FOXP2: variants seen among roughly 807,000 people sequenced by gnomAD.
FOXP2 encodes the protein forkhead box protein P2.
FOXP2 carries 12 observed loss-of-function variants against 115.8 expected under a neutral mutation model. The observed-to-expected ratio is 0.10, with a 90% CI of 0.07 to 0.17. FOXP2 has a LOEUF of 0.17. Among genes scored for constraint, FOXP2 ranks in the 10% least tolerant of loss-of-function variants. The pLI is 1.00. For missense variants in FOXP2, 629 were observed against 843.5 expected (o/e 0.75, Z 3.15); for synonymous variants, 328 against 297.7 (o/e 1.10, Z -1.05).
rs114951299 is a variant in FOXP2, at chr7:114,102,169, A to G, written c.-247+14331A>G. Among the ~76,000 whole-genome samples the G allele has an allele frequency of 3.5e-3, 528 of 152,134 alleles. 5 individuals are homozygous for G. Among genetic ancestry groups the G allele is most frequent in the African/African-American group, 0.012 (507 of 41,536 alleles). On this transcript the variant is annotated intron_variant, in intron 1 of 19. Transcript: ENST00000635638. ...GTTTCTTGCCATGTATGTCACTTCT[A>G]AGGTTGAAGAATGCTTGTATAACTC...
intron 1 of FOXP2, among the ~76,000 whole-genome samples, chr7:114,201,158 A>AAAAT (rs1384314029): frequency 2.6e-5 from 4 of 152,106 alleles, no homozygotes; most frequent in Non-Finnish European, 5.9e-5. Context: ...CTCCATCTCA[A>AAAAT]AAATAAATAA....
At chr7:114,330,271 A>G (rs1460468958) in intron 2 of FOXP2, among the ~76,000 whole-genome samples, 2 of 152,040 alleles carry the variant, frequency 1.3e-5, no homozygotes, top group African/African-American at 4.8e-5. Context: ...TATCATTAAA[A>G]AGTTTAATTT....
At chr7:114,412,045 T>C (rs1307699258), upstream of FOXP2, among the ~76,000 whole-genome samples, 1 of 152,142 alleles carries the variant, frequency 6.6e-6, no homozygotes, top group Non-Finnish European at 1.5e-5. Flanking sequence ...AGTGTTATAG[T>C]TCAGTGGAAT....
chr7:114,321,212 T>TTTATTTAC (rs1206862843), intron 2 of FOXP2, among the ~76,000 whole-genome samples: 2 of 151,298 alleles, frequency 1.3e-5, no homozygotes, highest in African/African-American at 4.9e-5. Context: ...TATTTATTTA[T>TTTATTTAC]TTATGAGACA....
At chr7:114,632,561 T>A (rs1804978945) in intron 6 of FOXP2, among the ~76,000 whole-genome samples, 1 of 152,192 alleles carries the variant, frequency 6.6e-6, no homozygotes, top group Non-Finnish European at 1.5e-5. Flanking sequence ...ATTAATTATA[T>A]TTGTCACAGA....
intron 2 of FOXP2, among the ~76,000 whole-genome samples, chr7:114,374,472 A>G (rs1317027001): frequency 6.6e-6 from 1 of 152,204 alleles, no homozygotes; most frequent in Non-Finnish European, 1.5e-5. Flanking sequence ...TATGTTAACA[A>G]TGTGCAAAAT....
chr7:114,462,958 A>G lies in FOXP2; in HGVS notation c.168+36279A>G, dbSNP rs73208659. ...ATAGCAAATGATACAAGAATCAATCAATACATTAATTATAACTTGCAAATA... is the reference window on the plus strand; with the variant it reads ...ATAGCAAATGATACAAGAATCAATCGATACATTAATTATAACTTGCAAATA... On this transcript the variant is annotated intron_variant, in intron 2 of 16. Transcript: ENST00000350908. 8.9e-3 allele frequency: 2,779 copies of G among 312,822 alleles called. 25 individuals are homozygous for G. Among genetic ancestry groups the G allele is most frequent in the Non-Finnish European group, 0.014 (2,154 of 157,290 alleles). 19.4% of individuals were successfully genotyped at this position (312,822 alleles called of 1,614,324 possible).
In FOXP2 at chr7:114,462,458, G is replaced by T. The variant is rs1483011393; in HGVS notation, c.168+35779G>T. The stretch of plus-strand genomic sequence containing the variant: ...GCTATCTCGGCTCACTGCAACCTCC[G>T]CCTCCCGAGTTCAAGCGATTCTCCT... On this transcript the variant is annotated intron_variant, in intron 2 of 16. Transcript: ENST00000350908. Among the ~76,000 whole-genome samples the T allele has an allele frequency of 3.2e-5, 4 of 125,806 alleles. No homozygotes were observed. The East Asian group carries it at 1.1e-3, about 35-fold the overall frequency. The allele number at this position is 125,806 out of a possible 152,430, so 82.5% of individuals were successfully genotyped here.
At chr7:114,402,322 A>C (rs1335778363) in intron 2 of FOXP2, among the ~76,000 whole-genome samples, 4 of 152,148 alleles carry the variant, frequency 2.6e-5, no homozygotes, top group African/African-American at 9.7e-5. Context: ...TTAAAATGAA[A>C]GTAGAAGGAT....
At chr7:114,651,017 A>G (rs1806220507) in intron 8 of FOXP2, among the ~76,000 whole-genome samples, 2 of 152,018 alleles carry the variant, frequency 1.3e-5, no homozygotes, top group South Asian at 4.1e-4. Context: ...ATTACTCTTC[A>G]TATGTTTTAC....
chr7:114,513,841 G>A (rs1301781997), intron 2 of FOXP2, among the ~76,000 whole-genome samples: 1 of 151,890 alleles, frequency 6.6e-6, no homozygotes, highest in Non-Finnish European at 1.5e-5. Flanking sequence ...GTTAAATTAT[G>A]CTTTTTTATA....
chr7:114,424,744 C>T (rs1464290222), intron 1 of FOXP2, among the ~76,000 whole-genome samples: 2 of 151,358 alleles, frequency 1.3e-5, no homozygotes, highest in Non-Finnish European at 3.0e-5. Context: ...TGTTTATAAA[C>T]ACATTTCGCT....
intron 16 of FOXP2, among the ~76,000 whole-genome samples, chr7:114,671,937 A>C (rs1264906553): frequency 6.6e-6 from 1 of 152,228 alleles, no homozygotes; most frequent in Non-Finnish European, 1.5e-5. Flanking sequence ...TCACAGAAGT[A>C]ACATGTTATA....
At chr7:114,465,916 C>T (rs771327148) in intron 2 of FOXP2, among the ~76,000 whole-genome samples, 3 of 152,182 alleles carry the variant, frequency 2.0e-5, no homozygotes, top group Non-Finnish European at 4.4e-5. Context: ...ACTCCCTTCC[C>T]TCCCATCTGT....
chr7:114,663,654 C>T, intron 15 of FOXP2, 135 bp downstream of exon 15: 1 of 712,628 alleles, frequency 1.4e-6, no homozygotes, highest in Non-Finnish European at 2.4e-6. Flanking sequence ...GTACCTAGTA[C>T]TATAGACAGC....
At chr7:114,528,983 AT>A (rs2129274087) in intron 2 of FOXP2, among the ~76,000 whole-genome samples, 1 of 152,056 alleles carries the variant, frequency 6.6e-6, no homozygotes, top group South Asian at 2.1e-4. Flanking sequence ...TTTACCTTTC[AT>A]TCCTTAGAAT....
At chr7:114,389,550 T>C (rs1792536018) in intron 2 of FOXP2, among the ~76,000 whole-genome samples, 1 of 152,216 alleles carries the variant, frequency 6.6e-6, no homozygotes, top group South Asian at 2.1e-4. Context: ...AGGACTTTTT[T>C]TTCATAGGAA....
chr7:114,125,546 A>G (rs762458753), intron 1 of FOXP2, among the ~76,000 whole-genome samples: 3 of 152,100 alleles, frequency 2.0e-5, no homozygotes, highest in African/African-American at 7.2e-5. Flanking sequence ...AGGAGGGAAT[A>G]AATAATGATT....
chr7:114,627,776 C>T (rs1402109339), intron 3 of FOXP2, among the ~76,000 whole-genome samples: 1 of 151,940 alleles, frequency 6.6e-6, no homozygotes, highest in Non-Finnish European at 1.5e-5. Flanking sequence ...AATGAATAAC[C>T]TTTGAGTAAT....
Sources: gnomAD v4.1 joint callset for allele counts (sites outside exome capture counted in the v4.1 genomes callset) on GRCh38, gnomAD v4.1.1 for gene constraint, MANE v1.5 for transcripts, NCBI Gene and HGNC (gene_info 2026-07-23, HGNC 2026-07-21) for gene names.